Variants in TRIM66 observed in about 807,000 individuals in gnomAD.
The protein encoded by TRIM66 is tripartite motif-containing protein 66.
TRIM66 carries 99 observed loss-of-function variants against 148.2 expected under a neutral mutation model. The observed-to-expected ratio is 0.67, with a 90% confidence interval of 0.57 to 0.79. The LOEUF is 0.79. Ranked by LOEUF, TRIM66 falls within the 30% of genes least tolerant of loss-of-function variation. The probability of loss-of-function intolerance (pLI) is 0.00; values close to 1 mark genes in which losing one functional copy is unlikely to be tolerated. For synonymous variants in TRIM66, 616 were observed against 635.9 expected (o/e 0.97, Z 0.47); for missense variants, 1,666 against 1,697.9 (o/e 0.98, Z 0.33).
intron 13 of TRIM66, among the ~76,000 whole-genome samples, chr11:8,641,896 T>C (rs1002665708): frequency 4.6e-5 from 7 of 152,188 alleles, no homozygotes; most frequent in Non-Finnish European, 8.8e-5. Flanking sequence ...CGTCTTCACC[T>C]TCTGTCATGA....
chr11:8,638,189 C>T (rs902299141), intron 15 of TRIM66, among the ~76,000 whole-genome samples: 1 of 152,180 alleles, frequency 6.6e-6, no homozygotes, highest in Non-Finnish European at 1.5e-5. Flanking sequence ...TCACTGTGGA[C>T]AGAAAAGTTC....
chr11:8,673,475 C>T (rs2039039731), intron 4 of TRIM66, among the ~76,000 whole-genome samples: 1 of 152,136 alleles, frequency 6.6e-6, no homozygotes, highest in Admixed American at 6.6e-5. Context: ...AGACTTAATA[C>T]ACAAATAATG....
chr11:8,626,787 G>A (rs2034891897), intron 15 of TRIM66, among the ~76,000 whole-genome samples: 2 of 152,152 alleles, frequency 1.3e-5, no homozygotes, highest in Admixed American at 1.3e-4. Flanking sequence ...AGGCCCTGAT[G>A]ACCTGTCCTC....
chr11:8,622,339 A>AACACACACACACACACACACACAC (rs150269400), intron 18 of TRIM66, among the ~76,000 whole-genome samples: 5 of 71,448 alleles, frequency 7.0e-5, no homozygotes, highest in East Asian at 5.8e-4. Context: ...ACACACACAC[A>AACACACACACACACACACACACAC]ACACACACAC....
intron 13 of TRIM66, among the ~76,000 whole-genome samples, chr11:8,641,711 G>T (rs1436959057): frequency 6.6e-6 from 1 of 152,152 alleles, no homozygotes; most frequent in Non-Finnish European, 1.5e-5. Flanking sequence ...CCCCAGTGTT[G>T]GAGGTGGGGC....
At chr11:8,629,336 G>C (rs2035170102) in intron 15 of TRIM66, among the ~76,000 whole-genome samples, 1 of 152,166 alleles carries the variant, frequency 6.6e-6, no homozygotes, top group African/African-American at 2.4e-5. Context: ...TATTTGACAT[G>C]TATGTTTAGT....
chr11:8,614,305 C>T lies in TRIM66; in HGVS notation c.*3639G>A, dbSNP rs890877669. 5 of 152,120 alleles carry T rather than the reference C, an allele frequency of 3.3e-5. No homozygotes were observed. The allele number at this position is 152,120 out of a possible 1,614,324, so 9.4% of individuals were successfully genotyped here. The stretch of plus-strand genomic sequence containing the variant: ...AATGAGCCGACATCATACCACTGCA[C>T]TCCAGCCTGCATGACAGAGTGAGAC... On this transcript the variant is annotated 3_prime_UTR_variant, in exon 25 of 25. Transcript: ENST00000646038.
At chr11:8,643,626 G>C (rs1565524314) in intron 12 of TRIM66, among the ~76,000 whole-genome samples, 1 of 152,122 alleles carries the variant, frequency 6.6e-6, no homozygotes, top group Non-Finnish European at 1.5e-5. Flanking sequence ...ACAGGCGTGA[G>C]CCACCGCACC....
intron 10 of TRIM66, among the ~76,000 whole-genome samples, chr11:8,647,073 T>C (rs1284630615): frequency 8.9e-6 from 1 of 112,756 alleles, no homozygotes; most frequent in Non-Finnish European, 2.0e-5. Context: ...CATATAATTA[T>C]ATAATAAACA....
intron 6 of TRIM66, among the ~76,000 whole-genome samples, chr11:8,652,880 A>T (rs1246775371): frequency 6.6e-6 from 1 of 152,248 alleles, no homozygotes; most frequent in Non-Finnish European, 1.5e-5. Context: ...TAGTCAGACA[A>T]ATGTAAGTCC....
chr11:8,648,806 C>T (rs1395214927), intron 8 of TRIM66, among the ~76,000 whole-genome samples: 1 of 152,232 alleles, frequency 6.6e-6, no homozygotes, highest in Non-Finnish European at 1.5e-5. Flanking sequence ...CTGAGGAAGG[C>T]GCTTGCTACT....
intron 15 of TRIM66, among the ~76,000 whole-genome samples, chr11:8,635,989 G>C (rs1442542254): frequency 6.6e-6 from 1 of 152,152 alleles, no homozygotes; most frequent in Admixed American, 6.5e-5. Context: ...TTATATCAAT[G>C]AGCAAATTAT....
chr11:8,637,429 C>G (rs530799450), intron 15 of TRIM66, among the ~76,000 whole-genome samples: 1 of 151,992 alleles, frequency 6.6e-6, no homozygotes, highest in Non-Finnish European at 1.5e-5. Context: ...ATCTAAGAGC[C>G]ACAAAGGGCC....
chr11:8,678,231 C>T (rs2133563071), intron 3 of TRIM66: 1 of 152,232 alleles, frequency 6.6e-6, no homozygotes, highest in South Asian at 2.1e-4. Context: ...CCATCATTGT[C>T]TCTAACAGCA....
At chr11:8,673,510 C>T (rs1222168381) in intron 4 of TRIM66, among the ~76,000 whole-genome samples, 1 of 152,068 alleles carries the variant, frequency 6.6e-6, no homozygotes, top group Non-Finnish European at 1.5e-5. Flanking sequence ...GAAGTCTAAA[C>T]AACATTGTGG....
Position 8,641,259 on chromosome 11 carries a change from G to C in TRIM66, c.1223-107C>G, listed in dbSNP as rs918126165. 7 of 1,034,274 alleles carry C rather than the reference G, an allele frequency of 6.8e-6. No homozygotes were observed. The South Asian group carries it at 1.2e-4, about 18-fold the overall frequency. The allele number at this position is 1,034,274 out of a possible 1,614,324, so 64.1% of individuals were successfully genotyped here. On this transcript the variant is annotated intron_variant, in intron 13 of 24. Coordinates refer to ENST00000646038, the MANE Select transcript of TRIM66 (RefSeq NM_001388022.1). ...ACCTCATTCAACAATCCTGTACCAG[G>C]AACAGAGATTAAGAAACTCAACCCT...
chr11:8,653,458 A>C (rs1040452404), intron 6 of TRIM66, among the ~76,000 whole-genome samples: 3 of 152,160 alleles, frequency 2.0e-5, no homozygotes, highest in African/African-American at 7.2e-5. Flanking sequence ...GGAAGATGAG[A>C]GATCATGCAG....
chr11:8,673,728 G>C (rs991211254), intron 4 of TRIM66, among the ~76,000 whole-genome samples: 1 of 152,192 alleles, frequency 6.6e-6, no homozygotes, highest in African/African-American at 2.4e-5. Context: ...TTTACAATTT[G>C]TAAACTATAT....
Position 8,624,987 on chromosome 11 carries a change from A to C in TRIM66, c.2552T>G (p.Leu851Arg). The C allele has an allele frequency of 2.6e-6, 4 of 1,551,770 alleles. No homozygotes were observed. Among genetic ancestry groups the C allele is most frequent in the Non-Finnish European group, 3.5e-6 (4 of 1,147,004 alleles). Residue 851 changes from leucine to arginine, a missense_variant, in exon 16 of 25, where the codon CTT becomes CGT. Around this residue, in one of 3 missense-constraint regions of TRIM66, gnomAD observed 1,431 missense variants for 1,412.4 expected, o/e 1.01. Transcript: ENST00000646038. ...TTSHLQTVPS[L>R]VHSTFQSMPN... is the part of the protein sequence containing the mutation. ...CATGGACTGGAATGTGCTATGCACA[A>C]GGCTGGGCACAGTCTGTAGGTGACT...
Sources: allele counts gnomAD v4.1 joint callset (sites outside exome capture counted in the v4.1 genomes callset), GRCh38; gene constraint gnomAD v4.1.1; regional missense constraint gnomAD v4.1.1; transcripts MANE v1.5; gene names NCBI Gene and HGNC (gene_info 2026-07-23, HGNC 2026-07-21).